The following KIAA0586 variants were observed in gnomAD, a reference collection of about 807,000 sequenced individuals.
The protein encoded by KIAA0586 is KIAA0586, also known as protein TALPID3.
KIAA0586 carries 144 observed loss-of-function variants against 169.8 expected under a neutral mutation model. The observed-to-expected ratio is 0.85, with a 90% CI of 0.74 to 0.97. The LOEUF (loss-of-function observed/expected upper bound fraction) is 0.97. Ranked by LOEUF, KIAA0586 falls within the 50% of genes least tolerant of loss-of-function variation. The pLI is 0.00. For missense variants in KIAA0586, 1,854 were observed against 1,823.0 expected (o/e 1.02, Z -0.31); for synonymous variants, 625 against 612.4 (o/e 1.02, Z -0.30).
At chr14:58,463,050 A>G (rs1050255187) in intron 14 of KIAA0586, among the ~76,000 whole-genome samples, 35 of 152,144 alleles carry the variant, frequency 2.3e-4, no homozygotes, top group Non-Finnish European at 2.9e-5. Flanking sequence ...TCAGAACCTA[A>G]GGACTTATGC....
rs1212572767 is a variant in KIAA0586 at position 58,540,056 on chromosome 14, T to A, written c.4430-15T>A. On this transcript the variant is annotated splice_polypyrimidine_tract_variant and intron_variant, in intron 29 of 30. Transcript: ENST00000652326. ...CTTAACTGATTTTCTTCTGAAAAAATAAATTTTTATGTAGTTTCACCAGGT... is the reference window on the plus strand; with the variant it reads ...CTTAACTGATTTTCTTCTGAAAAAAAAAATTTTTATGTAGTTTCACCAGGT... 4 of 1,494,808 alleles carry A rather than the reference T, an allele frequency of 2.7e-6. No individual in the cohort carries two copies. Among genetic ancestry groups the A allele is most frequent in the African/African-American group, 1.4e-5 (1 of 71,748 alleles). 92.6% of individuals were successfully genotyped at this position (1,494,808 alleles called of 1,614,324 possible).
chr14:58,481,923 C>T (rs1306504687), intron 20 of KIAA0586, among the ~76,000 whole-genome samples: 1 of 151,984 alleles, frequency 6.6e-6, no homozygotes, highest in Non-Finnish European at 1.5e-5. Flanking sequence ...ACGCCATCCT[C>T]CTGCCTCAGC....
chr14:58,538,270 A>G (rs1279145473), intron 29 of KIAA0586, among the ~76,000 whole-genome samples: 1 of 152,234 alleles, frequency 6.6e-6, no homozygotes, highest in Non-Finnish European at 1.5e-5. Context: ...CTTATAAAAC[A>G]TTAAATTTTC....
the KIAA0586 span, among the ~76,000 whole-genome samples, chr14:58,560,549 T>C: frequency 5.9e-5 from 9 of 152,120 alleles, no homozygotes; most frequent in African/African-American, 2.2e-4. Context: ...TCCTGTGAGG[T>C]TTCTCAATCT....
rs201435700 is a variant in KIAA0586 at position 58,461,431 on chromosome 14, A to AT, written c.2059+281dup. Among the ~76,000 whole-genome samples, 94 of 150,264 alleles carry AT rather than the reference A, an allele frequency of 6.3e-4. No homozygotes were observed. The East Asian group carries it at 0.011, about 17-fold the overall frequency. ...TAAAATTTTTATTTAGGAGAAAATG[A>AT]TTTTTTTTTTAATTTTTTTTTTAGA... On this transcript the variant is annotated intron_variant, in intron 14 of 30. Transcript: ENST00000652326.
At chr14:58,485,051 G>C (rs980839810) in intron 21 of KIAA0586, among the ~76,000 whole-genome samples, 10 of 140,284 alleles carry the variant, frequency 7.1e-5, no homozygotes, top group Non-Finnish European at 1.4e-4. Context: ...AGCCTCCTAA[G>C]TAGCTGGGAT....
At chr14:58,447,156 T>A (rs1357025410) in intron 6 of KIAA0586, among the ~76,000 whole-genome samples, 1 of 152,208 alleles carries the variant, frequency 6.6e-6, no homozygotes, top group Non-Finnish European at 1.5e-5. Flanking sequence ...AGTTGTTCAG[T>A]AAATGCTTAA....
chr14:58,439,721 C>A, intron 4 of KIAA0586: 1 of 469,722 alleles, frequency 2.1e-6, no homozygotes, highest in Non-Finnish European at 2.8e-6. Flanking sequence ...ATGACTTCAA[C>A]ATTTTGAGAC....
At chr14:58,552,299 T>G (rs1479585772), downstream of KIAA0586, among the ~76,000 whole-genome samples, 3 of 152,210 alleles carry the variant, frequency 2.0e-5, no homozygotes, top group Non-Finnish European at 1.5e-5. Context: ...ATTTTAAGTG[T>G]CAGACTGTCA....
At chr14:58,494,027 G>A (rs2042993115) in intron 26 of KIAA0586, among the ~76,000 whole-genome samples, 2 of 151,910 alleles carry the variant, frequency 1.3e-5, no homozygotes, top group African/African-American at 4.8e-5. Context: ...TAATATCAGT[G>A]TATTTATTCG....
chr14:58,482,143 G>A (rs955704720), intron 20 of KIAA0586, among the ~76,000 whole-genome samples: 4 of 151,772 alleles, frequency 2.6e-5, no homozygotes, highest in East Asian at 2.0e-4. Context: ...ATGAAAGTTC[G>A]GCCCAGGCGC....
intron 4 of KIAA0586, among the ~76,000 whole-genome samples, chr14:58,437,504 A>G (rs528634744): frequency 5.3e-5 from 8 of 152,068 alleles, no homozygotes; most frequent in African/African-American, 1.4e-4. Flanking sequence ...TGAACCTAGG[A>G]GTTTGAGATC....
chr14:58,460,031 G>C lies in KIAA0586; in HGVS notation c.1845G>C (p.Arg615Ser). Residue 615 changes from arginine (R) to serine (S), a missense_variant, in exon 13 of 31, where the codon AGG becomes AGC. Transcript: ENST00000652326. Reference protein sequence around the residue: ...IEEHFRNLPMRGMPASSLQKE... With the variant: ...IEEHFRNLPMSGMPASSLQKE... ...AGCATTTTAGAAATCTACCTATGAG[G>C]GGCATGCCTGCTTCAAGTTTACAGA... is the stretch of plus-strand genomic sequence containing the variant. 6.5e-7 allele frequency: 1 copy of C among 1,532,014 alleles called. No individual in the cohort carries two copies. Among genetic ancestry groups the C allele is most frequent in the Non-Finnish European group, 8.7e-7 (1 of 1,144,718 alleles). The allele number at this position is 1,532,014 out of a possible 1,614,324, so 94.9% of individuals were successfully genotyped here.
chr14:58,456,819 G>A lies in KIAA0586; in HGVS notation c.1362+9G>A. On this transcript the variant is annotated intron_variant, in intron 10 of 30. Transcript: ENST00000652326. Reference sequence around the variant, plus strand: ...CAAATAGCATGGTCCAGGTAAAGTGGGAATGGTCTTAAAATTGATGATTAG... The same window carrying A: ...CAAATAGCATGGTCCAGGTAAAGTGAGAATGGTCTTAAAATTGATGATTAG... The A allele has an allele frequency of 7.1e-7, 1 of 1,409,352 alleles. No individual in the cohort carries two copies. Among genetic ancestry groups the A allele is most frequent in the Non-Finnish European group, 9.9e-7 (1 of 1,007,652 alleles). 87.3% of individuals were successfully genotyped at this position (1,409,352 alleles called of 1,614,324 possible).
At chr14:58,519,049 T>C (rs1339283674) in intron 29 of KIAA0586, among the ~76,000 whole-genome samples, 1 of 152,214 alleles carries the variant, frequency 6.6e-6, no homozygotes, top group Non-Finnish European at 1.5e-5. Flanking sequence ...TGAGAATTGC[T>C]TAAGCCTAGG....
intron 4 of KIAA0586, among the ~76,000 whole-genome samples, 152 bp downstream of exon 4, chr14:58,432,609 TACTC>T (rs749058910): frequency 2.2e-4 from 34 of 152,362 alleles, no homozygotes; most frequent in Non-Finnish European, 4.3e-4. Flanking sequence ...ACGTATAAAA[TACTC>T]AGTAGCAGTT....
chr14:58,483,518 A>G (rs548917802), intron 21 of KIAA0586, among the ~76,000 whole-genome samples: 71 of 152,306 alleles, frequency 4.7e-4, no homozygotes, highest in African/African-American at 1.6e-3. Flanking sequence ...TATAGAATAT[A>G]GAGACCATAT....
chr14:58,491,753 G>T (rs549147315), intron 25 of KIAA0586, among the ~76,000 whole-genome samples: 1 of 152,362 alleles, frequency 6.6e-6, no homozygotes, highest in South Asian at 2.1e-4. Context: ...CAGCATTACA[G>T]TGCTTTGCCC....
intron 27 of KIAA0586, among the ~76,000 whole-genome samples, chr14:58,508,327 A>C (rs1326305162): frequency 6.6e-6 from 1 of 152,216 alleles, no homozygotes; most frequent in Non-Finnish European, 1.5e-5. Context: ...CTGGAACTTT[A>C]CATAGAATAT....
Sources: allele counts gnomAD v4.1 joint callset (sites outside exome capture counted in the v4.1 genomes callset), GRCh38; gene constraint gnomAD v4.1.1; transcripts MANE v1.5; gene names NCBI Gene and HGNC (gene_info 2026-07-23, HGNC 2026-07-21).